The following LIMK2 variants were observed in gnomAD, a reference collection of about 807,000 sequenced individuals.
LIMK2 encodes LIM domain kinase 2.
In LIMK2, 35 loss-of-function variants were observed where a neutral mutation model predicts 75.7. That is an observed-to-expected ratio of 0.46 (90% CI 0.35 to 0.61). LIMK2 has a LOEUF of 0.61. Among genes scored for constraint, LIMK2 ranks in the 20% least tolerant of loss-of-function variants. The pLI is 0.00. For synonymous variants in LIMK2, 301 were observed against 319.2 expected (o/e 0.94, Z 0.61); for missense variants, 623 against 831.0 (o/e 0.75, Z 3.08).
In LIMK2 at chr22:31,260,007, G is replaced by T; in HGVS notation, c.481G>T (p.Gly161Cys). 6.2e-7 allele frequency: 1 copy of T among 1,611,178 alleles called. No individual in the cohort carries two copies. Among genetic ancestry groups the T allele is most frequent in the Non-Finnish European group, 8.5e-7 (1 of 1,179,292 alleles). ...CATCTCCATGCCGGCCACCACTGAAGGCAGGCGGGGCTTCTCCGTGTCCGT... is the reference window on the plus strand; with the variant it reads ...CATCTCCATGCCGGCCACCACTGAATGCAGGCGGGGCTTCTCCGTGTCCGT... ...TLISMPATTE[G>C]RRGFSVSVES... The change falls in exon 5 of 16, where the codon GGC becomes TGC. Residue 161 changes from glycine to cysteine, a missense_variant. Coordinates refer to ENST00000331728, the MANE Select transcript of LIMK2 (RefSeq NM_005569.4).
In LIMK2 at chr22:31,262,529, T is replaced by G; in HGVS notation, c.658-66T>G. The G allele has an allele frequency of 1.4e-6, 2 of 1,473,338 alleles. No individual in the cohort carries two copies. The highest frequency in any genetic ancestry group is 1.9e-6 in the Non-Finnish European group (2 of 1,073,056). The allele number at this position is 1,473,338 out of a possible 1,614,324, so 91.3% of individuals were successfully genotyped here. ...CTGGCCACACTGTGCCTGAGTCATC[T>G]GGGTTGGCCATGGGTGGCCTGGGAT... On this transcript the variant is annotated intron_variant, in intron 6 of 15. Coordinates refer to ENST00000331728, the MANE Select transcript of LIMK2 (RefSeq NM_005569.4). This position sits in a 1 kb window ranked among gnomAD's most constrained non-coding sequence, Gnocchi z 5.0.
At chr22:31,218,697 C>T (rs2048407821) in intron 1 of LIMK2, among the ~76,000 whole-genome samples, 1 of 152,014 alleles carries the variant, frequency 6.6e-6, no homozygotes, top group Non-Finnish European at 1.5e-5. Flanking sequence ...GGCTTTTCCC[C>T]AGCAGCTGCT....
At chr22:31,243,271 T>C (rs1275265598) in intron 2 of LIMK2, among the ~76,000 whole-genome samples, 7 of 152,078 alleles carry the variant, frequency 4.6e-5, no homozygotes, top group African/African-American at 1.7e-4. Context: ...AGAAAGTGAT[T>C]TGGAAGAGGG....
intron 2 of LIMK2, among the ~76,000 whole-genome samples, chr22:31,252,827 G>T (rs994198322): frequency 6.6e-6 from 1 of 152,220 alleles, no homozygotes; most frequent in Admixed American, 6.5e-5. Context: ...TATTAGCAAT[G>T]TACAAGTGAG....
chr22:31,245,582 G>A (rs370186936), intron 2 of LIMK2, among the ~76,000 whole-genome samples: 46 of 152,056 alleles, frequency 3.0e-4, no homozygotes, highest in Non-Finnish European at 6.0e-4. Context: ...GATTACAGGC[G>A]TGAGCCACCA....
intron 2 of LIMK2, among the ~76,000 whole-genome samples, chr22:31,246,730 G>T (rs1418795093): frequency 7.2e-6 from 1 of 138,884 alleles, no homozygotes; most frequent in Non-Finnish European, 1.5e-5. Context: ...CCGCACTCCA[G>T]CCTGAGTGAC....
chr22:31,212,374 C>T lies in LIMK2; in HGVS notation c.-35C>T. 1 of 1,334,570 alleles carries T rather than the reference C, an allele frequency of 7.5e-7. No individual in the cohort carries two copies. The highest frequency in any genetic ancestry group is 9.7e-7 in the Non-Finnish European group (1 of 1,033,494). The allele number at this position is 1,334,570 out of a possible 1,614,324, so 82.7% of individuals were successfully genotyped here. A position where few individuals can be genotyped will look rare whatever the true frequency, so the allele number is the denominator to read the frequency against. On this transcript the variant is annotated 5_prime_UTR_variant, in exon 1 of 16. Transcript: ENST00000331728. ...AACTGAGGGGAGCTGCTGTGTCCCC[C>T]GCCTCCTCCTCCCCATTTCCGCGCT...
intron 10 of LIMK2, 111 bp from the exon 11 acceptor site, chr22:31,268,033 G>A: frequency 6.5e-7 from 1 of 1,529,346 alleles, no homozygotes; most frequent in Non-Finnish European, 9.1e-7. Flanking sequence ...TGCTGGGTGG[G>A]ACTGAGCATA....
At chr22:31,246,879 C>T (rs144240795) in intron 2 of LIMK2, among the ~76,000 whole-genome samples, 178 of 152,202 alleles carry the variant, frequency 1.2e-3, no homozygotes, top group African/African-American at 4.2e-3. Flanking sequence ...GATGACGTTT[C>T]CTCCTTTTAC....
intron 7 of LIMK2, among the ~76,000 whole-genome samples, chr22:31,265,513 G>C (rs994127627): frequency 1.4e-4 from 21 of 151,948 alleles, no homozygotes; most frequent in African/African-American, 4.4e-4. Context: ...ACTCCAGCCT[G>C]GTTGACAGAG....
At chr22:31,266,273 A>G (rs988300303) in intron 8 of LIMK2, 141 bp downstream of exon 8, 3 of 825,734 alleles carry the variant, frequency 3.6e-6, no homozygotes, top group Non-Finnish European at 5.8e-6. Flanking sequence ...TTGGTGTGAG[A>G]GGTATCCTTC....
At chr22:31,213,731 T>A (rs2048367291) in intron 1 of LIMK2, among the ~76,000 whole-genome samples, 1 of 152,122 alleles carries the variant, frequency 6.6e-6, no homozygotes, top group South Asian at 2.1e-4. Flanking sequence ...ATAGCGAGAC[T>A]TCATCTCTTA....
chr22:31,241,545 G>A (rs2048623977), intron 2 of LIMK2, among the ~76,000 whole-genome samples: 1 of 152,132 alleles, frequency 6.6e-6, no homozygotes, highest in African/African-American at 2.4e-5. Context: ...CTCTGACACA[G>A]CATTCATTCT....
chr22:31,223,964 A>G (rs1312588181), intron 1 of LIMK2, among the ~76,000 whole-genome samples: 2 of 152,212 alleles, frequency 1.3e-5, no homozygotes, highest in Admixed American at 6.5e-5. Flanking sequence ...ATGTTGAGCA[A>G]TCTTGAAGTG....
chr22:31,272,810 G>T, intron 13 of LIMK2, 106 bp downstream of exon 13: 1 of 1,448,062 alleles, frequency 6.9e-7, no homozygotes, highest in Non-Finnish European at 9.1e-7. Context: ...CGTAGGACCG[G>T]ATACCCAGAG....
intron 15 of LIMK2, among the ~76,000 whole-genome samples, chr22:31,276,452 T>TCGGCGGCGGCAGCCCCGGCGG (rs1340478389): frequency 6.8e-6 from 1 of 147,144 alleles, no homozygotes; most frequent in Admixed American, 6.7e-5. Context: ...AGAAAGCGCT[T>TCGGCGGCGGCAGCCCCGGCGG]CGGCGGCGGC....
chr22:31,258,411 G>A lies in LIMK2; in HGVS notation c.237G>A (p.Met79Ile). The A allele has an allele frequency of 6.2e-7, 1 of 1,614,146 alleles. No homozygotes were observed. The highest frequency in any genetic ancestry group is 2.2e-5 in the East Asian group (1 of 44,880). The change falls in exon 3 of 16, where the codon ATG becomes ATA. Residue 79 changes from methionine to isoleucine, a missense_variant. Met to Ile is a conservative substitution (Grantham distance 10). Coordinates refer to ENST00000331728, the MANE Select transcript of LIMK2 (RefSeq NM_005569.4). The part of the protein sequence containing the change: ...GEFCHGCSLL[M>I]TGPFMVAGEF... ...TCTGTCATGGGTGCTCCCTGCTGAT[G>A]ACAGGGCCTTTTATGGTGAGTGAAT... is the stretch of plus-strand genomic sequence containing the variant.
At chr22:31,265,365 C>T (rs2048883949) in intron 7 of LIMK2, among the ~76,000 whole-genome samples, 1 of 151,382 alleles carries the variant, frequency 6.6e-6, no homozygotes, top group Non-Finnish European at 1.5e-5. Context: ...GACTCTGTCT[C>T]AAAAATAATA....
Position 31,262,228 on chromosome 22 carries a change from C to G in LIMK2, c.646C>G (p.Arg216Gly), listed in dbSNP as rs768236818. ...CAATGGGACCCCCGTCCGCACACTT[C>G]GAGTGGAGGAGGTAGAGTGTGTGTC... ...EINGTPVRTL[R>G]VEEVEDAISQ... is the part of the protein sequence containing the mutation. The change falls in exon 6 of 16, where the codon CGA (arginine) becomes GGA (glycine). Residue 216 changes from arginine to glycine, a missense_variant. Transcript: ENST00000331728. This position sits in a 1 kb window ranked among gnomAD's most constrained non-coding sequence, Gnocchi z 5.0. The G allele has an allele frequency of 1.9e-6, 3 of 1,611,360 alleles. No individual in the cohort carries two copies. The highest frequency in any genetic ancestry group is 1.7e-5 in the Admixed American group (1 of 60,002).
Sources: allele counts gnomAD v4.1 joint callset (sites outside exome capture counted in the v4.1 genomes callset), GRCh38; gene constraint gnomAD v4.1.1; non-coding constraint Gnocchi (gnomAD v3.1); transcripts MANE v1.5; gene names NCBI Gene and HGNC (gene_info 2026-07-23, HGNC 2026-07-21).